The following COL24A1 variants were observed in gnomAD, a reference collection of about 807,000 sequenced individuals.
COL24A1 encodes collagen alpha-1(XXIV) chain.
Under a neutral mutation model 253.9 loss-of-function variants are expected in COL24A1, and 224 were observed. That is an observed-to-expected ratio of 0.88 (90% CI 0.79 to 0.99). The LOEUF (loss-of-function observed/expected upper bound fraction) is 0.99. Ranked by LOEUF, COL24A1 falls within the 50% of genes least tolerant of loss-of-function variation. COL24A1 has a pLI of 0.00. For missense variants in COL24A1, 2,131 were observed against 2,068.5 expected, an observed-to-expected ratio of 1.03 and a Z score of -0.59; for synonymous variants, 685 against 673.7, an observed-to-expected ratio of 1.02 and a Z score of -0.26.
chr1:86,010,530 C>G (rs138917969), intron 19 of COL24A1, among the ~76,000 whole-genome samples: 1 of 152,104 alleles, frequency 6.6e-6, no homozygotes, highest in African/African-American at 2.4e-5. Flanking sequence ...GCAATTCTTT[C>G]AGAGAGGAAT....
intron 19 of COL24A1, among the ~76,000 whole-genome samples, chr1:86,014,301 A>G: frequency 6.6e-6 from 1 of 152,018 alleles, no homozygotes; most frequent in Admixed American, 6.5e-5. Context: ...AATTTATTTT[A>G]CTGACTTTTT....
At chr1:85,901,139 A>G (rs560601740) in intron 28 of COL24A1, among the ~76,000 whole-genome samples, 2 of 152,306 alleles carry the variant, frequency 1.3e-5, no homozygotes, top group African/African-American at 2.4e-5. Flanking sequence ...ATGAGAGAAC[A>G]TATTTGCAAA....
chr1:86,046,987 T>A, intron 11 of COL24A1, 118 bp from the exon 12 acceptor site: 1 of 703,952 alleles, frequency 1.4e-6, no homozygotes, highest in East Asian at 2.6e-5. Flanking sequence ...AATTGTTCTA[T>A]AAACTGATGT....
At position 86,156,145 on chromosome 1, in the gene COL24A1, G is replaced by A. The variant is rs533350106; in HGVS notation, c.56+196C>T. ...AGCATAAACTGTCTGAGATCTGCTG[G>A]CACGAGGCATCCTTTCAAACACGGT... On this transcript the variant is annotated intron_variant, in intron 1 of 59. Coordinates refer to ENST00000370571, the MANE Select transcript of COL24A1 (RefSeq NM_152890.7). The A allele has an allele frequency of 1.3e-4, 71 of 542,642 alleles. No individual in the cohort carries two copies. The Admixed American group carries it at 1.8e-3, about 14-fold the overall frequency. The allele number at this position is 542,642 out of a possible 1,614,324, so 33.6% of individuals were successfully genotyped here. A position where few individuals can be genotyped will look rare whatever the true frequency, so the allele number is the denominator to read the frequency against.
In COL24A1 at chr1:85,742,239, C is replaced by T. The variant is rs570808707; in HGVS notation, c.4672+2427G>A. On this transcript the variant is annotated intron_variant, in intron 57 of 59. Transcript: ENST00000370571. The stretch of plus-strand genomic sequence containing the variant: ...TCTCGGCCTCCTGGGTCAAGTGATT[C>T]TCCTGCCTCAGCCTCCTGAGTAGCT... Among the ~76,000 whole-genome samples the T allele has an allele frequency of 3.3e-5, 5 of 150,508 alleles. No individual in the cohort carries two copies. In the East Asian group the frequency reaches 7.9e-4, roughly 24 times the overall value.
intron 14 of COL24A1, among the ~76,000 whole-genome samples, chr1:86,031,525 T>C (rs577006191): frequency 3.3e-5 from 5 of 152,198 alleles, no homozygotes; most frequent in Non-Finnish European, 7.3e-5. Flanking sequence ...AGCTATTATG[T>C]ATTGAAAATA....
chr1:85,891,949 A>G (rs1683174016), intron 31 of COL24A1, among the ~76,000 whole-genome samples: 1 of 152,196 alleles, frequency 6.6e-6, no homozygotes, highest in East Asian at 1.9e-4. Context: ...TCCCTTCTCT[A>G]TGACTTCAAC....
intron 32 of COL24A1, among the ~76,000 whole-genome samples, chr1:85,878,302 T>C (rs1681421550): frequency 6.6e-6 from 1 of 152,350 alleles, no homozygotes; most frequent in South Asian, 2.1e-4. Context: ...TGGTGCCTTC[T>C]AGTTGTGTCC....
intron 22 of COL24A1, 54 bp downstream of exon 22, chr1:85,970,173 G>T (rs1571415577): frequency 7.0e-7 from 1 of 1,418,834 alleles, no homozygotes; most frequent in South Asian, 1.4e-5. Flanking sequence ...AACATTTATA[G>T]AACAGCTATT....
intron 43 of COL24A1, among the ~76,000 whole-genome samples, chr1:85,833,188 C>G (rs990700407): frequency 6.6e-6 from 1 of 152,004 alleles, no homozygotes; most frequent in Non-Finnish European, 1.5e-5. Flanking sequence ...AGGCAACCTA[C>G]AAAATGGGAG....
Position 85,730,421 on chromosome 1 carries a change from ATTCT to A in COL24A1, c.*121_*124del. On this transcript the variant is annotated 3_prime_UTR_variant, in exon 60 of 60. Coordinates refer to ENST00000370571, the MANE Select transcript of COL24A1 (RefSeq NM_152890.7). ...TAGGAGGAAGTCTGTTCTTCCTGAG[ATTCT>A]TTAAGATTTAGCCAATGCTTTATTA... is the stretch of plus-strand genomic sequence containing the variant. 1.0e-6 allele frequency: 1 copy of A among 1,003,420 alleles called. No individual in the cohort carries two copies. The highest frequency in any genetic ancestry group is 2.3e-5 in the South Asian group (1 of 43,746). The allele number at this position is 1,003,420 out of a possible 1,614,324, so 62.2% of individuals were successfully genotyped here. A position where few individuals can be genotyped will look rare whatever the true frequency, so the allele number is the denominator to read the frequency against.
intron 53 of COL24A1, among the ~76,000 whole-genome samples, chr1:85,767,103 C>CAATAATAAT (rs67386357): frequency 0.015 from 2,216 of 145,626 alleles, 45 homozygotes; most frequent in African/African-American, 0.049. Flanking sequence ...GACTCCGTCT[C>CAATAATAAT]AATAATAATA....
chr1:86,028,705 C>T (rs1246704219), intron 14 of COL24A1, among the ~76,000 whole-genome samples: 5 of 152,170 alleles, frequency 3.3e-5, no homozygotes, highest in African/African-American at 1.2e-4. Flanking sequence ...AGAATCTCTT[C>T]CCATGAACTG....
chr1:86,121,196 C>T (rs1304559552), intron 3 of COL24A1, among the ~76,000 whole-genome samples: 4 of 151,976 alleles, frequency 2.6e-5, no homozygotes, highest in Admixed American at 1.3e-4. Context: ...ATGTAAATGA[C>T]GAGTTAATGG....
chr1:85,823,485 C>T (rs755180670), intron 45 of COL24A1, 51 bp downstream of exon 45: 1 of 1,559,044 alleles, frequency 6.4e-7, no homozygotes, highest in South Asian at 1.1e-5. Context: ...CTCCTGCTTT[C>T]TAAAATTGCT....
At chr1:85,943,656 C>G (rs1688963542) in intron 24 of COL24A1, among the ~76,000 whole-genome samples, 1 of 152,170 alleles carries the variant, frequency 6.6e-6, no homozygotes, top group Non-Finnish European at 1.5e-5. Context: ...AATAATGAGG[C>G]TTTCGAATAG....
At chr1:85,988,926 C>G (rs1365168281) in intron 19 of COL24A1, among the ~76,000 whole-genome samples, 2 of 152,102 alleles carry the variant, frequency 1.3e-5, no homozygotes, top group African/African-American at 4.8e-5. Context: ...ATCACAAGAT[C>G]AGATTTCTGA....
At chr1:85,769,316 T>TA (rs1414966375) in intron 53 of COL24A1, among the ~76,000 whole-genome samples, 4 of 152,142 alleles carry the variant, frequency 2.6e-5, no homozygotes, top group African/African-American at 9.7e-5. Flanking sequence ...AATAAATATG[T>TA]ACTATGTCAG....
chr1:85,745,965 G>T (rs186661023), intron 55 of COL24A1, among the ~76,000 whole-genome samples: 2 of 152,018 alleles, frequency 1.3e-5, no homozygotes, highest in African/African-American at 4.8e-5. Flanking sequence ...ATACTTCTGC[G>T]GTTTTAAAAA....
Sources: gnomAD v4.1 joint callset for allele counts (sites outside exome capture counted in the v4.1 genomes callset) on GRCh38, gnomAD v4.1.1 for gene constraint, MANE v1.5 for transcripts, NCBI Gene and HGNC (gene_info 2026-07-23, HGNC 2026-07-21) for gene names.